PHF21A: variants seen among roughly 807,000 people sequenced by gnomAD.
PHF21A encodes the protein PHD finger protein 21A, also known as BHC80a.
In PHF21A, 11 loss-of-function variants were observed where a neutral mutation model predicts 82.5. The ratio of observed to expected loss-of-function variants is 0.13; its 90% CI spans 0.08 to 0.22. The LOEUF is 0.22. Ranked by LOEUF, PHF21A falls within the 10% of genes least tolerant of loss-of-function variation. The pLI is 1.00. For synonymous variants in PHF21A, 297 were observed against 302.8 expected (o/e 0.98, Z 0.20); for missense variants, 579 against 837.8 (o/e 0.69, Z 3.81).
chr11:45,995,819 C>A (rs937327573), intron 6 of PHF21A, among the ~76,000 whole-genome samples: 7 of 152,058 alleles, frequency 4.6e-5, no homozygotes, highest in African/African-American at 1.7e-4. Context: ...AAGCTGGAAA[C>A]CAGTAAACAA....
intron 6 of PHF21A, among the ~76,000 whole-genome samples, chr11:46,059,088 A>G (rs901700017): frequency 6.6e-6 from 1 of 152,214 alleles, no homozygotes; most frequent in Non-Finnish European, 1.5e-5. Context: ...ATACATACCA[A>G]AGAAAGTTAT....
intron 6 of PHF21A, among the ~76,000 whole-genome samples, chr11:46,035,779 G>A (rs2095988044): frequency 6.6e-6 from 1 of 152,140 alleles, no homozygotes; most frequent in African/African-American, 2.4e-5. Flanking sequence ...AAAGACTAGG[G>A]TCCATTTAGT....
chr11:46,049,935 T>C (rs576756906), intron 6 of PHF21A, among the ~76,000 whole-genome samples: 1 of 152,382 alleles, frequency 6.6e-6, no homozygotes, highest in South Asian at 2.1e-4. Flanking sequence ...TTTAATTTTG[T>C]ATATTTGTCA....
At chr11:46,038,862 G>A (rs558726862) in intron 6 of PHF21A, among the ~76,000 whole-genome samples, 1 of 152,086 alleles carries the variant, frequency 6.6e-6, no homozygotes, top group Admixed American at 6.6e-5. Flanking sequence ...CCTCTTAAAG[G>A]CCCCATCTTT....
chr11:46,065,376 A>G (rs149812378), intron 6 of PHF21A, among the ~76,000 whole-genome samples: 61 of 152,334 alleles, frequency 4.0e-4, no homozygotes, highest in African/African-American at 1.4e-3. Flanking sequence ...ATGTGTGAAG[A>G]TGTAAAGCCT....
rs192838812 is a variant in PHF21A at position 46,062,072 on chromosome 11, T to C, written c.153+14682A>G. Among the ~76,000 whole-genome samples the C allele has an allele frequency of 1.6e-3, 241 of 152,252 alleles. 3 individuals are homozygous for C. The highest frequency in any genetic ancestry group is 5.6e-3 in the African/African-American group (234 of 41,554). On this transcript the variant is annotated intron_variant, in intron 6 of 18. Coordinates refer to ENST00000676320, the MANE Select transcript of PHF21A (RefSeq NM_001352027.3). ...ATGACATCTGATTCCCAATCCCTGTTTGCAACTGTTTTTTGTTTTGTTTTT... is the reference window on the plus strand; with the variant it reads ...ATGACATCTGATTCCCAATCCCTGTCTGCAACTGTTTTTTGTTTTGTTTTT...
intron 1 of PHF21A, among the ~76,000 whole-genome samples, chr11:46,105,545 G>T (rs1593295510): frequency 6.6e-6 from 1 of 152,162 alleles, no homozygotes; most frequent in East Asian, 1.9e-4. Context: ...TCTATAAAAT[G>T]AATGTCACTC....
intron 6 of PHF21A, among the ~76,000 whole-genome samples, chr11:46,011,485 C>G (rs946209382): frequency 3.3e-5 from 5 of 150,764 alleles, no homozygotes; most frequent in African/African-American, 1.2e-4. Flanking sequence ...GTGCAAGATT[C>G]AGTCTCAAAA....
chr11:45,935,633 T>A lies in PHF21A; in HGVS notation c.1788+3A>T. The A allele has an allele frequency of 7.2e-7, 1 of 1,385,312 alleles. No individual in the cohort carries two copies. The highest frequency in any genetic ancestry group is 1.0e-6 in the Non-Finnish European group (1 of 971,392). The allele number at this position is 1,385,312 out of a possible 1,614,324, so 85.8% of individuals were successfully genotyped here. A position where few individuals can be genotyped will look rare whatever the true frequency, so the allele number is the denominator to read the frequency against. On this transcript the variant is annotated splice_donor_region_variant and intron_variant, in intron 18 of 18. Transcript: ENST00000676320. ...GACTGCTGAAGGCATGAGGTTTACT[T>A]ACACTTATGGAATTGCTGAGCTGTT...
chr11:45,981,188 C>A (rs1016024757), intron 6 of PHF21A, among the ~76,000 whole-genome samples: 1 of 151,908 alleles, frequency 6.6e-6, no homozygotes, highest in East Asian at 1.9e-4. Context: ...GAGTTCAAGA[C>A]CAGCCTGGCC....
intron 10 of PHF21A, among the ~76,000 whole-genome samples, chr11:45,962,688 C>T (rs1465800877): frequency 8.3e-6 from 1 of 120,736 alleles, no homozygotes; most frequent in Non-Finnish European, 1.8e-5. Flanking sequence ...GGTCAGGAGT[C>T]TGAGACCAGC....
At chr11:45,970,023 A>G in intron 8 of PHF21A, 119 bp from the exon 9 acceptor site, 1 of 752,380 alleles carries the variant, frequency 1.3e-6, no homozygotes, top group South Asian at 1.5e-5. Flanking sequence ...CTTTCATCGT[A>G]AGTTAATCAT....
chr11:46,109,469 A>G (rs995857452), intron 1 of PHF21A, among the ~76,000 whole-genome samples: 3 of 152,242 alleles, frequency 2.0e-5, no homozygotes, highest in African/African-American at 7.2e-5. Flanking sequence ...CTCCAAACAC[A>G]AATATATATA....
intron 4 of PHF21A, among the ~76,000 whole-genome samples, chr11:46,082,899 T>C (rs911673879): frequency 1.3e-5 from 2 of 152,120 alleles, no homozygotes; most frequent in Non-Finnish European, 2.9e-5. Flanking sequence ...TCAATACTTC[T>C]TCAGAGGAGG....
chr11:46,027,868 T>G (rs2095783722), intron 6 of PHF21A, among the ~76,000 whole-genome samples: 2 of 152,216 alleles, frequency 1.3e-5, no homozygotes. Context: ...AGTAAGTACA[T>G]AGAAAATTCT....
chr11:46,027,274 T>C (rs1450452863), intron 6 of PHF21A, among the ~76,000 whole-genome samples: 1 of 152,228 alleles, frequency 6.6e-6, no homozygotes, highest in African/African-American at 2.4e-5. Context: ...AGGAAATTTG[T>C]TTTTAAGATT....
At chr11:45,951,807 ATT>A (rs371914854) in intron 11 of PHF21A, among the ~76,000 whole-genome samples, 5 of 124,328 alleles carry the variant, frequency 4.0e-5, no homozygotes, top group Non-Finnish European at 3.5e-5. Context: ...TGTGGAATAA[ATT>A]TTTTTTTTTT....
At chr11:46,066,229 G>A (rs1042406059) in intron 6 of PHF21A, among the ~76,000 whole-genome samples, 2 of 152,268 alleles carry the variant, frequency 1.3e-5, no homozygotes, top group Non-Finnish European at 1.5e-5. Flanking sequence ...GGGGAAGGAC[G>A]AAGGGATTTA....
intron 6 of PHF21A, among the ~76,000 whole-genome samples, chr11:45,993,480 G>A (rs2094790143): frequency 6.6e-6 from 1 of 152,006 alleles, no homozygotes; most frequent in Admixed American, 6.6e-5. Context: ...TAGTAAAACT[G>A]GGACTAGAAT....
Sources: allele counts gnomAD v4.1 joint callset (sites outside exome capture counted in the v4.1 genomes callset), GRCh38; gene constraint gnomAD v4.1.1; transcripts MANE v1.5; gene names NCBI Gene and HGNC (gene_info 2026-07-23, HGNC 2026-07-21).